DLG2: variants seen among roughly 807,000 people sequenced by gnomAD.
The protein encoded by DLG2 is discs large MAGUK scaffold protein 2.
DLG2 carries 45 observed loss-of-function variants against 132.5 expected under a neutral mutation model. The ratio of observed to expected loss-of-function variants is 0.34; its 90% confidence interval spans 0.27 to 0.44. The LOEUF is 0.44. Ranked by LOEUF, DLG2 falls within the 20% of genes least tolerant of loss-of-function variation. The pLI, the probability that DLG2 is intolerant of heterozygous loss-of-function variation, is 1.00. For missense variants in DLG2, 1,045 were observed against 1,196.9 expected (o/e 0.87, Z 1.87); for synonymous variants, 424 against 419.6 (o/e 1.01, Z -0.13).
chr11:83,879,720 C>T (rs552626633), intron 15 of DLG2, among the ~76,000 whole-genome samples: 1 of 152,154 alleles, frequency 6.6e-6, no homozygotes, highest in South Asian at 2.1e-4. Flanking sequence ...TGTAGTTATA[C>T]CCAATAAATG....
intron 6 of DLG2, among the ~76,000 whole-genome samples, chr11:84,723,635 T>G (rs1291295734): frequency 6.6e-6 from 1 of 152,134 alleles, no homozygotes; most frequent in Non-Finnish European, 1.5e-5. Flanking sequence ...TACCTTAAGA[T>G]ACCAACACAT....
At chr11:85,383,542 A>G (rs930158961) in intron 3 of DLG2, among the ~76,000 whole-genome samples, 15 of 152,192 alleles carry the variant, frequency 9.9e-5, no homozygotes, top group African/African-American at 3.1e-4. Flanking sequence ...GCCTAAAAGG[A>G]GTTCTACATC....
chr11:84,820,524 C>G (rs766984918), intron 6 of DLG2, among the ~76,000 whole-genome samples: 1 of 151,852 alleles, frequency 6.6e-6, no homozygotes, highest in Non-Finnish European at 1.5e-5. Context: ...TTTACACAAT[C>G]TTTTCCTCCA....
At chr11:85,140,490 G>A (rs578084650) in intron 5 of DLG2, among the ~76,000 whole-genome samples, 1 of 151,676 alleles carries the variant, frequency 6.6e-6, no homozygotes, top group Non-Finnish European at 1.5e-5. Context: ...TACATGTGAT[G>A]TTCTGGTACA....
chr11:84,228,579 G>A (rs142502999), intron 8 of DLG2, among the ~76,000 whole-genome samples: 31 of 152,248 alleles, frequency 2.0e-4, no homozygotes, highest in African/African-American at 6.0e-4. Context: ...TGGCACATTC[G>A]GATGTGATAT....
Position 83,532,672 on chromosome 11 carries a change from T to G in DLG2, c.2193+36A>C, listed in dbSNP as rs768510307. 2.5e-6 allele frequency: 4 copies of G among 1,587,258 alleles called. No individual in the cohort carries two copies. In the East Asian group the frequency reaches 6.7e-5, roughly 27 times the overall value. On this transcript the variant is annotated intron_variant, in intron 21 of 27. Transcript: ENST00000376104. ...TAATTATAGTTAAATCCATGGCAAC[T>G]GAGAGAACTTGATGTTTCCATCATT... is the stretch of plus-strand genomic sequence containing the variant.
At chr11:84,741,842 C>T (rs192730847) in intron 6 of DLG2, among the ~76,000 whole-genome samples, 1 of 151,514 alleles carries the variant, frequency 6.6e-6, no homozygotes, top group African/African-American at 2.4e-5. Flanking sequence ...AAATGAAGTA[C>T]CAGAAAAGGA....
chr11:85,498,752 A>C (rs1047282258), intron 3 of DLG2, among the ~76,000 whole-genome samples: 1 of 152,228 alleles, frequency 6.6e-6, no homozygotes, highest in African/African-American at 2.4e-5. Flanking sequence ...AGTGCAATCA[A>C]ATTAGAACTC....
rs534799626 is a variant in DLG2, at chr11:83,599,064, T to C, written c.1940+34147A>G. 3.9e-5 allele frequency among the ~76,000 whole-genome samples: 6 copies of C among 152,312 alleles called. No homozygotes were observed. In the East Asian group the frequency reaches 1.2e-3, roughly 29 times the overall value. On this transcript the variant is annotated intron_variant, in intron 19 of 27. Coordinates refer to ENST00000376104, the MANE Select transcript of DLG2 (RefSeq NM_001142699.3). The stretch of plus-strand genomic sequence containing the variant: ...GCCAAACAGGTTCCCCTATTTCCTA[T>C]TCCTATTCTCAGCATCCCCAAGTCC...
intron 9 of DLG2, among the ~76,000 whole-genome samples, chr11:84,106,473 A>G (rs2092921991): frequency 6.6e-6 from 1 of 152,092 alleles, no homozygotes; most frequent in African/African-American, 2.4e-5. Flanking sequence ...TAGTTTTTAA[A>G]TGCTATCTAA....
intron 6 of DLG2, among the ~76,000 whole-genome samples, chr11:84,639,348 G>GT (rs550030032): frequency 0.018 from 2,333 of 126,756 alleles, 28 homozygotes; most frequent in Middle Eastern, 0.026. Flanking sequence ...AGATATCTGT[G>GT]TTTTTTTTTT....
chr11:84,074,176 C>T (rs2096793112), intron 10 of DLG2, among the ~76,000 whole-genome samples: 1 of 152,108 alleles, frequency 6.6e-6, no homozygotes. Flanking sequence ...AGAATATAAG[C>T]CCTATGACAG....
chr11:83,625,533 A>T (rs576629832), intron 19 of DLG2, among the ~76,000 whole-genome samples: 1 of 152,328 alleles, frequency 6.6e-6, no homozygotes, highest in East Asian at 1.9e-4. Flanking sequence ...CCCTTCCCCC[A>T]GAACAAAAGC....
intron 4 of DLG2, among the ~76,000 whole-genome samples, chr11:85,252,015 CAAGAGCA>C (rs2076420264): frequency 6.6e-6 from 1 of 151,990 alleles, no homozygotes; most frequent in Non-Finnish European, 1.5e-5. Flanking sequence ...AACAAAATAG[CAAGAGCA>C]AAAAGCCCAT....
chr11:83,924,127 T>C (rs570534640), intron 15 of DLG2, among the ~76,000 whole-genome samples: 2 of 152,254 alleles, frequency 1.3e-5, no homozygotes, highest in East Asian at 3.9e-4. Context: ...GCTCAGTGTC[T>C]TCATGAAAAT....
intron 11 of DLG2, among the ~76,000 whole-genome samples, chr11:84,030,124 G>A (rs2154089994): frequency 6.6e-6 from 1 of 152,114 alleles, no homozygotes; most frequent in South Asian, 2.1e-4. Flanking sequence ...GGACAGAGAT[G>A]GTGTATTTTT....
intron 7 of DLG2, among the ~76,000 whole-genome samples, chr11:84,432,136 G>C (rs2098986638): frequency 6.6e-6 from 1 of 152,188 alleles, no homozygotes; most frequent in African/African-American, 2.4e-5. Context: ...CTGGGCTTTA[G>C]AGGCCAAGAA....
intron 7 of DLG2, among the ~76,000 whole-genome samples, chr11:84,457,523 G>A (rs1439433416): frequency 6.6e-6 from 1 of 151,002 alleles, no homozygotes; most frequent in Non-Finnish European, 1.5e-5. Flanking sequence ...ACACTAAAAT[G>A]CTATTGCCTG....
chr11:84,302,785 T>A lies in DLG2; in HGVS notation c.520-51494A>T, dbSNP rs557098106. Among the ~76,000 whole-genome samples, 67 of 152,324 alleles carry A rather than the reference T, an allele frequency of 4.4e-4. 1 individual carries two copies. The South Asian group carries it at 0.013, about 30-fold the overall frequency. ...TTATGATTAACTACTAGTTTTTATT[T>A]TATTAAAAAATAAAACGTGGGCCAG... is the stretch of plus-strand genomic sequence containing the variant. On this transcript the variant is annotated intron_variant, in intron 7 of 27. Coordinates refer to ENST00000376104, the MANE Select transcript of DLG2 (RefSeq NM_001142699.3).
Sources: gnomAD v4.1 joint callset for allele counts (sites outside exome capture counted in the v4.1 genomes callset) on GRCh38, gnomAD v4.1.1 for gene constraint, MANE v1.5 for transcripts, NCBI Gene and HGNC (gene_info 2026-07-23, HGNC 2026-07-21) for gene names.